Variants in DOCK7 observed in about 807,000 individuals in gnomAD.
The protein encoded by DOCK7 is dedicator of cytokinesis 7, also known as dedicator of cytokinesis protein 7.
Under a neutral mutation model 271.0 loss-of-function variants are expected in DOCK7, and 138 were observed. That is an observed-to-expected ratio of 0.51 (90% confidence interval 0.44 to 0.59). DOCK7 has a LOEUF of 0.59. Ranked by LOEUF, DOCK7 falls within the 20% of genes least tolerant of loss-of-function variation. The pLI, the probability that DOCK7 is intolerant of heterozygous loss-of-function variation, is 0.00. For synonymous variants in DOCK7, 823 were observed against 876.1 expected (o/e 0.94, Z 1.07); for missense variants, 2,066 against 2,592.4 (o/e 0.80, Z 4.41).
intron 7 of DOCK7, among the ~76,000 whole-genome samples, chr1:62,642,118 T>C (rs913162832): frequency 3.3e-5 from 5 of 151,460 alleles, no homozygotes; most frequent in African/African-American, 7.3e-5. Flanking sequence ...TTTTTCTTTT[T>C]TTTTTTTTGA....
At position 62,513,197 on chromosome 1, in the gene DOCK7, TTTTCTAGAGAGGAC is replaced by T. The variant is rs1464438869; in HGVS notation, c.4282+233_4282+246del. ...TCACATAAGGACTTTCTAGAGAAAG[TTTTCTAGAGAGGAC>T]TTTCTAGAGAACGTTTTCTAGAGAA... On this transcript the variant is annotated intron_variant, in intron 33 of 49. Transcript: ENST00000635253. Among the ~76,000 whole-genome samples the T allele has an allele frequency of 1.2e-4, 17 of 136,674 alleles. No individual in the cohort carries two copies. The South Asian group carries it at 3.7e-3, about 30-fold the overall frequency. The allele number at this position is 136,674 out of a possible 152,430, so 89.7% of individuals were successfully genotyped here.
At chr1:62,525,766 T>TA (rs1042005395) in intron 31 of DOCK7, among the ~76,000 whole-genome samples, 2 of 152,024 alleles carry the variant, frequency 1.3e-5, no homozygotes, top group East Asian at 1.9e-4. Flanking sequence ...GTGCAATTGA[T>TA]AAAAAAAATT....
intron 1 of DOCK7, among the ~76,000 whole-genome samples, chr1:62,670,459 A>G (rs1232437128): frequency 1.3e-5 from 2 of 151,918 alleles, no homozygotes; most frequent in African/African-American, 4.8e-5. Flanking sequence ...ACCAATCGAC[A>G]CTCTGTATCT....
intron 18 of DOCK7, among the ~76,000 whole-genome samples, chr1:62,568,710 A>C (rs747037191): frequency 9.9e-5 from 15 of 151,440 alleles, no homozygotes; most frequent in Non-Finnish European, 1.6e-4. Context: ...AAAAAACCCA[A>C]AGCTAGCAGA....
chr1:62,476,218 C>G, intron 44 of DOCK7, 62 bp from the exon 45 acceptor site: 3 of 1,336,596 alleles, frequency 2.2e-6, no homozygotes, highest in Non-Finnish European at 3.1e-6. Flanking sequence ...TAGAGAAGGC[C>G]TGAGGGTGAC....
At chr1:62,633,029 A>G (rs924104799) in intron 10 of DOCK7, among the ~76,000 whole-genome samples, 9 of 152,010 alleles carry the variant, frequency 5.9e-5, no homozygotes, top group African/African-American at 2.2e-4. Flanking sequence ...AAAAGGCTGT[A>G]TTTTCTTTTT....
intron 8 of DOCK7, chr1:62,635,200 T>G (rs1000495650): frequency 1.4e-5 from 3 of 212,134 alleles, no homozygotes; most frequent in Non-Finnish European, 2.7e-5. Flanking sequence ...TATATTTCAC[T>G]GAGACCAATC....
Position 62,496,375 on chromosome 1 carries a change from T to G in DOCK7, c.4887A>C (p.Glu1629Asp). The G allele has an allele frequency of 6.2e-7, 1 of 1,613,432 alleles. No homozygotes were observed. Among genetic ancestry groups the G allele is most frequent in the Non-Finnish European group, 8.5e-7 (1 of 1,179,634 alleles). ...ATGTTGTTTCCCTCAATTCCAGATC[T>G]TCTTCAGCATATGTCAATATAGTCT... ...SLKTILTYAE[E>D]DLELRETTFP... Residue 1629 changes from glutamate (E) to aspartate (D), a missense_variant, in exon 38 of 50, where the codon GAA becomes GAC. Glu to Asp is a conservative substitution (Grantham distance 45). Coordinates refer to ENST00000635253, the MANE Select transcript of DOCK7 (RefSeq NM_001367561.1).
intron 27 of DOCK7, 98 bp downstream of exon 27, chr1:62,539,447 T>C: frequency 1.9e-6 from 2 of 1,036,956 alleles, no homozygotes; most frequent in South Asian, 3.3e-5. Flanking sequence ...AACATCAGTA[T>C]ATAAATGTGC....
intron 43 of DOCK7, chr1:62,479,668 T>C (rs993280035): frequency 2.8e-5 from 9 of 324,650 alleles, no homozygotes; most frequent in Non-Finnish European, 5.8e-5. Flanking sequence ...TCCTACTTTT[T>C]GTTTTTTATT....
At chr1:62,595,805 T>C (rs1439416461) in intron 14 of DOCK7, among the ~76,000 whole-genome samples, 1 of 152,068 alleles carries the variant, frequency 6.6e-6, no homozygotes, top group Non-Finnish European at 1.5e-5. Context: ...GGCATGCATC[T>C]ATAGTCTCAG....
chr1:62,527,067 A>C (rs1243189122), intron 31 of DOCK7, among the ~76,000 whole-genome samples: 1 of 152,158 alleles, frequency 6.6e-6, no homozygotes, highest in African/African-American at 2.4e-5. Context: ...TTGATATGTA[A>C]ATAATCTTAA....
chr1:62,576,617 A>G (rs1646948371), intron 18 of DOCK7, among the ~76,000 whole-genome samples: 1 of 152,254 alleles, frequency 6.6e-6, no homozygotes, highest in Non-Finnish European at 1.5e-5. Context: ...CGTATTTTAG[A>G]GTAACATTTA....
At chr1:62,622,623 T>C in intron 12 of DOCK7, among the ~76,000 whole-genome samples, 1 of 152,020 alleles carries the variant, frequency 6.6e-6, no homozygotes, top group East Asian at 1.9e-4. Context: ...CCGGCTAATA[T>C]TTTTTATTTT....
At chr1:62,509,785 T>C (rs1449383795) in intron 34 of DOCK7, among the ~76,000 whole-genome samples, 1 of 152,174 alleles carries the variant, frequency 6.6e-6, no homozygotes, top group African/African-American at 2.4e-5. Flanking sequence ...TGAGAAAATA[T>C]TGTGAAAGTT....
intron 18 of DOCK7, among the ~76,000 whole-genome samples, chr1:62,569,625 A>G (rs928955422): frequency 1.3e-5 from 2 of 152,114 alleles, no homozygotes; most frequent in Non-Finnish European, 2.9e-5. Context: ...CCCACAGCCA[A>G]TATCATACTG....
rs1267119839 is a variant in DOCK7, at chr1:62,455,442, C to T, written c.6395G>A (p.Arg2132Gln). The T allele has an allele frequency of 3.7e-6, 6 of 1,613,372 alleles. No individual in the cohort carries two copies. Among genetic ancestry groups the T allele is most frequent in the Admixed American group, 1.7e-5 (1 of 59,986 alleles). Residue 2132 changes from arginine (R) to glutamine (Q), a missense_variant, in exon 50 of 50, where the codon CGA (arginine) becomes CAA (glutamine). Physicochemically the swap from Arg to Gln is conservative, Grantham distance 43. Around this residue, in one of 2 missense-constraint regions of DOCK7, gnomAD observed 652 missense variants for 922.1 expected, o/e 0.71. Coordinates refer to ENST00000635253, the MANE Select transcript of DOCK7 (RefSeq NM_001367561.1). Reference protein sequence around the residue: ...PVTCHRDSFSRMSLRKMDL With the variant: ...PVTCHRDSFSQMSLRKMDL ...GAGATCCATTTTGCGAAGGCTCATT[C>T]GACTGAAGGAATCTCTGGGAAAAAA...
chr1:62,622,861 C>T (rs1039866871), intron 12 of DOCK7, among the ~76,000 whole-genome samples: 6 of 152,026 alleles, frequency 3.9e-5, no homozygotes, highest in Admixed American at 2.6e-4. Flanking sequence ...ACCCAGGAGG[C>T]GGAGCTTACA....
At position 62,552,736 on chromosome 1, in the gene DOCK7, C is replaced by T; in HGVS notation, c.2762G>A (p.Ser921Asn). The change falls in exon 22 of 50, where the codon AGT becomes AAT. Residue 921 changes from serine to asparagine, a missense_variant. Ser to Asn is a conservative substitution (Grantham distance 46). Coordinates refer to ENST00000635253, the MANE Select transcript of DOCK7 (RefSeq NM_001367561.1). ...PDDEVRSIIG[S>N]KGLDRSNSWV... ...AGATGCATGTCTTCAGTTTACCTTA[C>T]TCCCGATGATTGATCGAACTTCATC... The T allele has an allele frequency of 6.2e-7, 1 of 1,606,674 alleles. No homozygotes were observed.
Sources: allele counts gnomAD v4.1 joint callset (sites outside exome capture counted in the v4.1 genomes callset), GRCh38; gene constraint gnomAD v4.1.1; regional missense constraint gnomAD v4.1.1; transcripts MANE v1.5; gene names NCBI Gene and HGNC (gene_info 2026-07-23, HGNC 2026-07-21).